Variants in LARGE1 observed in about 807,000 individuals in gnomAD.
LARGE1 encodes LARGE xylosyl- and glucuronyltransferase 1, also known as xylosyl- and glucuronyltransferase LARGE1.
Under a neutral mutation model 87.6 loss-of-function variants are expected in LARGE1, and 43 were observed. The ratio of observed to expected loss-of-function variants is 0.49; its 90% confidence interval spans 0.38 to 0.63. The LOEUF (loss-of-function observed/expected upper bound fraction) is 0.63. Among genes scored for constraint, LARGE1 ranks in the 30% least tolerant of loss-of-function variants. LARGE1 has a pLI of 0.00. For missense variants in LARGE1, 802 were observed against 1,000.2 expected, an observed-to-expected ratio of 0.80 and a Z score of 2.67; for synonymous variants, 434 against 394.6, an observed-to-expected ratio of 1.10 and a Z score of -1.18.
chr22:33,151,854 C>T, the LARGE1 span, among the ~76,000 whole-genome samples: 12 of 151,402 alleles, frequency 7.9e-5, no homozygotes, highest in African/African-American at 2.9e-4. Context: ...TGGATATTTG[C>T]ATCTAGTTCA....
At chr22:33,195,181 A>G (rs1182230913) in intron 11 of LARGE1, among the ~76,000 whole-genome samples, 3 of 152,168 alleles carry the variant, frequency 2.0e-5, no homozygotes, top group African/African-American at 7.2e-5. Flanking sequence ...CCCTTCTTTC[A>G]AACAGATGCT....
chr22:33,365,054 G>GT (rs1215639670), intron 9 of LARGE1, among the ~76,000 whole-genome samples: 1 of 151,968 alleles, frequency 6.6e-6, no homozygotes, highest in Non-Finnish European at 1.5e-5. Context: ...TTATTTTTAT[G>GT]TTTTTATTTT....
At chr22:33,726,901 T>C (rs555708938) in intron 2 of LARGE1, among the ~76,000 whole-genome samples, 1 of 152,292 alleles carries the variant, frequency 6.6e-6, no homozygotes, top group South Asian at 2.1e-4. Flanking sequence ...TAAATCCTGA[T>C]GATCATCTTA....
intron 11 of LARGE1, among the ~76,000 whole-genome samples, chr22:33,264,583 C>T (rs1204031064): frequency 1.3e-5 from 2 of 152,130 alleles, no homozygotes; most frequent in African/African-American, 4.8e-5. Context: ...CACCTGAACC[C>T]GGGAGGTGGA....
intron 12 of LARGE1, among the ~76,000 whole-genome samples, chr22:33,299,514 G>C (rs1933856362): frequency 6.6e-6 from 1 of 152,148 alleles, no homozygotes; most frequent in South Asian, 2.1e-4. Flanking sequence ...AAAAAATTGA[G>C]ATGGTCACAT....
rs369168322 is a variant in LARGE1, at chr22:33,316,110, G to A, written c.1426C>T (p.Leu476=). 1 of 1,613,934 alleles carries A rather than the reference G, an allele frequency of 6.2e-7. No individual in the cohort carries two copies. Among genetic ancestry groups the A allele is most frequent in the African/African-American group, 1.3e-5 (1 of 74,928 alleles). Residue 476 remains leucine, a synonymous_variant, in exon 11 of 15, where the codon CTG becomes TTG. Transcript: ENST00000397394. The stretch of plus-strand genomic sequence containing the variant: ...CTGTCCATGGACAGCTGAGCGACCA[G>A]GGTGACGTCCGTGCTGTCTGCTGCA... ...EPAADSTDVT[L]VAQLSMDRLQ... is the part of the protein sequence containing the mutation.
intron 5 of LARGE1, among the ~76,000 whole-genome samples, chr22:33,587,169 C>G (rs1040309164): frequency 6.6e-6 from 1 of 152,192 alleles, no homozygotes; most frequent in Non-Finnish European, 1.5e-5. Flanking sequence ...CAACGATGTA[C>G]CATACTTTAC....
At chr22:33,719,863 C>T (rs1053991295) in intron 2 of LARGE1, among the ~76,000 whole-genome samples, 1 of 152,030 alleles carries the variant, frequency 6.6e-6, no homozygotes. Context: ...TGTTTAGGTA[C>T]ACAAATGCTT....
intron 11 of LARGE1, among the ~76,000 whole-genome samples, chr22:33,229,424 T>C (rs1344493898): frequency 6.6e-6 from 1 of 151,818 alleles, no homozygotes; most frequent in Admixed American, 6.6e-5. Flanking sequence ...ACAGAAATTA[T>C]AAAGGGAGTA....
At chr22:33,225,015 A>C (rs1381022437) in intron 11 of LARGE1, among the ~76,000 whole-genome samples, 1 of 152,218 alleles carries the variant, frequency 6.6e-6, no homozygotes, top group East Asian at 1.9e-4. Context: ...AAACCCAGGT[A>C]ATTCTATACT....
chr22:33,288,412 C>T (rs977658202), intron 12 of LARGE1, among the ~76,000 whole-genome samples: 11 of 152,286 alleles, frequency 7.2e-5, no homozygotes, highest in African/African-American at 2.4e-4. Flanking sequence ...ACTTGCCAAC[C>T]CCACAACAGT....
chr22:33,522,467 G>A (rs1340563315), intron 6 of LARGE1, among the ~76,000 whole-genome samples: 1 of 152,090 alleles, frequency 6.6e-6, no homozygotes, highest in Non-Finnish European at 1.5e-5. Flanking sequence ...TGGAGGTGGA[G>A]GCGGGTGGAT....
chr22:33,300,302 T>G (rs1301570162), intron 12 of LARGE1, among the ~76,000 whole-genome samples: 1 of 152,230 alleles, frequency 6.6e-6, no homozygotes, highest in Non-Finnish European at 1.5e-5. Context: ...AATGACAGAC[T>G]GAGTGCAGCT....
At chr22:33,915,040 C>CAGAGAGAGAGAGAG (rs1431046257) in intron 1 of LARGE1, among the ~76,000 whole-genome samples, 54 of 91,656 alleles carry the variant, frequency 5.9e-4, no homozygotes, top group African/African-American at 1.8e-3. Context: ...CACACACACA[C>CAGAGAGAGAGAGAG]ACAGAGAGAG....
chr22:33,897,779 T>C (rs2065183444), intron 1 of LARGE1, among the ~76,000 whole-genome samples: 1 of 152,200 alleles, frequency 6.6e-6, no homozygotes, highest in South Asian at 2.1e-4. Context: ...GTGAGACCCA[T>C]TATCCCTGGG....
intron 11 of LARGE1, among the ~76,000 whole-genome samples, chr22:33,196,755 T>C (rs1924104594): frequency 6.8e-6 from 1 of 147,210 alleles, no homozygotes; most frequent in Non-Finnish European, 1.5e-5. Context: ...GGAGGAGGAA[T>C]AAAAAAAGTA....
At chr22:33,728,576 A>AAAAAC (rs56192894) in intron 2 of LARGE1, among the ~76,000 whole-genome samples, 20,083 of 103,440 alleles carry the variant, frequency 0.19, 3,762 homozygotes, top group East Asian at 0.3. Context: ...AAAAAAAAAA[A>AAAAAC]AAACCAACAA....
At chr22:33,726,715 T>C (rs527956683) in intron 2 of LARGE1, among the ~76,000 whole-genome samples, 33 of 152,332 alleles carry the variant, frequency 2.2e-4, no homozygotes, top group Middle Eastern at 3.4e-3. Flanking sequence ...CTTCCATTAC[T>C]TGGCCAGCCC....
intron 3 of LARGE1, among the ~76,000 whole-genome samples, chr22:33,635,112 C>T (rs2149112141): frequency 6.7e-6 from 1 of 149,436 alleles, no homozygotes; most frequent in East Asian, 2.0e-4. Flanking sequence ...AGCAAGACTC[C>T]ATCTCCAAAA....
Sources: gnomAD v4.1 joint callset for allele counts (sites outside exome capture counted in the v4.1 genomes callset) on GRCh38, gnomAD v4.1.1 for gene constraint, MANE v1.5 for transcripts, NCBI Gene and HGNC (gene_info 2026-07-23, HGNC 2026-07-21) for gene names.